KDSR: variants seen among roughly 807,000 people sequenced by gnomAD.
KDSR encodes 3-ketodihydrosphingosine reductase, also known as 3-dehydrosphinganine reductase.
KDSR carries 23 observed loss-of-function variants against 41.3 expected under a neutral mutation model. The observed-to-expected ratio is 0.56, with a 90% CI of 0.40 to 0.79. The LOEUF (loss-of-function observed/expected upper bound fraction) is 0.79. Among genes scored for constraint, KDSR ranks in the 30% least tolerant of loss-of-function variants. The probability of loss-of-function intolerance (pLI) is 0.00; values close to 1 mark genes in which losing one functional copy is unlikely to be tolerated. For missense variants in KDSR, 351 were observed against 416.8 expected (o/e 0.84, Z 1.37); for synonymous variants, 138 against 151.7 (o/e 0.91, Z 0.66).
intron 3 of KDSR, among the ~76,000 whole-genome samples, chr18:63,357,374 A>G (rs1914825071): frequency 6.6e-6 from 1 of 151,960 alleles, no homozygotes; most frequent in African/African-American, 2.4e-5. Flanking sequence ...AAAACAAAAC[A>G]AACTAACAAA....
chr18:63,337,069 A>C (rs1914181026), intron 8 of KDSR, among the ~76,000 whole-genome samples: 1 of 123,664 alleles, frequency 8.1e-6, no homozygotes, highest in Non-Finnish European at 1.7e-5. Context: ...TATATATGTG[A>C]CTTTATATAT....
rs1227701493 is a variant in KDSR, at chr18:63,331,046, C to T, written c.*736G>A. The T allele has an allele frequency of 4.3e-6, 1 of 232,550 alleles. No individual in the cohort carries two copies. The highest frequency in any genetic ancestry group is 2.2e-5 in the African/African-American group (1 of 45,286). The allele number at this position is 232,550 out of a possible 1,614,324, so 14.4% of individuals were successfully genotyped here. ...TTCCCTAAGCATTTGAGTCTAAAGA[C>T]AAGAAAGCATTGCTTTTCCTACTGG... On this transcript the variant is annotated 3_prime_UTR_variant, in exon 10 of 10. Transcript: ENST00000645214.
At chr18:63,345,336 C>CA (rs768079993) in intron 6 of KDSR, 2 of 152,678 alleles carry the variant, frequency 1.3e-5, no homozygotes, top group East Asian at 3.9e-4. Flanking sequence ...CTCATACACA[C>CA]ACCCCCAACA....
At chr18:63,361,651 C>T (rs181068247) in intron 2 of KDSR, among the ~76,000 whole-genome samples, 5 of 151,598 alleles carry the variant, frequency 3.3e-5, no homozygotes, top group Admixed American at 3.3e-4. Flanking sequence ...CCTGTCTCTA[C>T]TAAAAATACA....
chr18:63,338,281 A>G (rs779565543), intron 8 of KDSR, among the ~76,000 whole-genome samples: 1 of 152,226 alleles, frequency 6.6e-6, no homozygotes, highest in Non-Finnish European at 1.5e-5. Flanking sequence ...ATGTTGTCAA[A>G]AAGCATGAGG....
intron 9 of KDSR, 35 bp downstream of exon 9, chr18:63,335,222 C>A (rs371294721): frequency 4.3e-6 from 6 of 1,400,962 alleles, no homozygotes; most frequent in Non-Finnish European, 6.1e-6. Flanking sequence ...TCTTGTCCAT[C>A]GGCCTGTCTG....
rs1225531960 is a variant in KDSR at position 63,329,087 on chromosome 18, A to C, written c.*2695T>G. On this transcript the variant is annotated 3_prime_UTR_variant, in exon 10 of 10. Transcript: ENST00000645214. ...TTCTTTTTTTCTTCCCCCAGCAGAA[A>C]AACAAGTTGTTCAAGCATTGAACCA... 2 of 198,774 alleles carry C rather than the reference A, an allele frequency of 1.0e-5. No homozygotes were observed. Among genetic ancestry groups the C allele is most frequent in the African/African-American group, 2.3e-5 (1 of 43,422 alleles). The allele number at this position is 198,774 out of a possible 1,614,324, so 12.3% of individuals were successfully genotyped here.
chr18:63,347,495 C>CAAAAAAAAAA (rs36023779), intron 6 of KDSR, among the ~76,000 whole-genome samples: 32 of 56,964 alleles, frequency 5.6e-4, no homozygotes, highest in East Asian at 9.5e-4. Flanking sequence ...GACTCCATCT[C>CAAAAAAAAAA]AAAAAAAAAA....
chr18:63,337,275 C>A (rs1914203199), intron 8 of KDSR, among the ~76,000 whole-genome samples: 1 of 151,818 alleles, frequency 6.6e-6, no homozygotes. Flanking sequence ...GTCACCACAC[C>A]CGACTAATTT....
At chr18:63,346,287 G>A (rs1182872134) in intron 6 of KDSR, 1 of 152,290 alleles carries the variant, frequency 6.6e-6, no homozygotes, top group Non-Finnish European at 1.5e-5. Flanking sequence ...TAAGGCAGAT[G>A]AGCCAGAAAC....
intron 5 of KDSR, 134 bp from the exon 6 acceptor site, chr18:63,351,213 G>C (rs1914654729): frequency 1.6e-6 from 1 of 631,208 alleles, no homozygotes; most frequent in Non-Finnish European, 2.7e-6. Context: ...CTTGCTGAAT[G>C]AATGAATGAT....
chr18:63,340,284 A>G (rs1382924544), intron 7 of KDSR, among the ~76,000 whole-genome samples: 1 of 152,284 alleles, frequency 6.6e-6, no homozygotes, highest in African/African-American at 2.4e-5. Flanking sequence ...GCTTATTCTA[A>G]GACAGGACAT....
intron 1 of KDSR, among the ~76,000 whole-genome samples, chr18:63,363,207 C>CTTTTTT (rs1006397920): frequency 1.6e-5 from 2 of 121,778 alleles, no homozygotes; most frequent in Non-Finnish European, 3.5e-5. Flanking sequence ...ATCTTATTTT[C>CTTTTTT]TTTTTTTTTT....
In KDSR at chr18:63,355,244, A is replaced by G; in HGVS notation, c.377T>C (p.Val126Ala). ...DMLVNCAGMA[V>A]SGKFEDLEVS... is the part of the protein sequence containing the mutation. Reference sequence around the variant, plus strand: ...TTCAAGATCTTCAAATTTTCCTGACACTGCCATTCCTGCACAATTTACCAG... The same window carrying G: ...TTCAAGATCTTCAAATTTTCCTGACGCTGCCATTCCTGCACAATTTACCAG... Residue 126 changes from valine (V) to alanine (A), a missense_variant, in exon 5 of 10, where the codon GTG becomes GCG. By Grantham distance (64) the Val-to-Ala change is moderately conservative (BLOSUM62 0). Transcript: ENST00000645214. 1.2e-6 allele frequency: 2 copies of G among 1,614,162 alleles called. No homozygotes were observed. The highest frequency in any genetic ancestry group is 1.7e-6 in the Non-Finnish European group (2 of 1,180,004).
intron 6 of KDSR, among the ~76,000 whole-genome samples, chr18:63,347,050 C>T (rs1278604162): frequency 1.3e-5 from 2 of 152,098 alleles, no homozygotes; most frequent in African/African-American, 4.8e-5. Flanking sequence ...CAGGTCCTCA[C>T]TAACTGAGTC....
At chr18:63,346,691 C>T (rs1405583685) in intron 6 of KDSR, 1 of 152,192 alleles carries the variant, frequency 6.6e-6, no homozygotes, top group East Asian at 1.9e-4. Flanking sequence ...GCTATGCCAT[C>T]CAACCAAATG....
At chr18:63,348,698 C>T (rs1025140592) in intron 6 of KDSR, among the ~76,000 whole-genome samples, 2 of 152,142 alleles carry the variant, frequency 1.3e-5, no homozygotes, top group African/African-American at 2.4e-5. Context: ...CAGCAATCCA[C>T]TTTCTTTTTC....
chr18:63,351,941 G>A (rs1371070652), intron 5 of KDSR, among the ~76,000 whole-genome samples: 3 of 151,886 alleles, frequency 2.0e-5, no homozygotes, highest in African/African-American at 4.8e-5. Context: ...ATGCCACCAC[G>A]TCCAGCTAAT....
intron 2 of KDSR, among the ~76,000 whole-genome samples, chr18:63,361,322 C>A (rs1914981041): frequency 6.7e-6 from 1 of 150,200 alleles, no homozygotes; most frequent in Non-Finnish European, 1.5e-5. Flanking sequence ...TCCTGGGGGC[C>A]TGAAATGCTG....
Sources: allele counts gnomAD v4.1 joint callset (sites outside exome capture counted in the v4.1 genomes callset), GRCh38; gene constraint gnomAD v4.1.1; transcripts MANE v1.5; gene names NCBI Gene and HGNC (gene_info 2026-07-23, HGNC 2026-07-21).